Variants in SPIRE1 observed in about 807,000 individuals in gnomAD.
SPIRE1 encodes the protein spire type actin nucleation factor 1.
In SPIRE1, 40 loss-of-function variants were observed where a neutral mutation model predicts 94.1. The ratio of observed to expected loss-of-function variants is 0.43; its 90% CI spans 0.33 to 0.55. The LOEUF (loss-of-function observed/expected upper bound fraction) is 0.55. Ranked by LOEUF, SPIRE1 falls within the 20% of genes least tolerant of loss-of-function variation. The pLI is 0.06. For synonymous variants in SPIRE1, 376 were observed against 371.7 expected (o/e 1.01, Z -0.13); for missense variants, 838 against 975.2 (o/e 0.86, Z 1.87).
chr18:12,578,352 G>A (rs2036166633), intron 2 of SPIRE1, among the ~76,000 whole-genome samples: 1 of 152,158 alleles, frequency 6.6e-6, no homozygotes, highest in Non-Finnish European at 1.5e-5. Context: ...TGACACAATG[G>A]AATAATAGCC....
At chr18:12,470,651 G>C (rs1417465860) in intron 10 of SPIRE1, among the ~76,000 whole-genome samples, 3 of 152,180 alleles carry the variant, frequency 2.0e-5, no homozygotes, top group Non-Finnish European at 4.4e-5. Flanking sequence ...GTGGGTACAT[G>C]CATGTGCATG....
intron 5 of SPIRE1, among the ~76,000 whole-genome samples, chr18:12,508,765 C>A (rs756073479): frequency 1.3e-5 from 2 of 151,578 alleles, no homozygotes; most frequent in Non-Finnish European, 2.9e-5. Context: ...ATTTCTGCCT[C>A]CCGGGTTCAA....
At chr18:12,482,859 G>T (rs144043385) in intron 9 of SPIRE1, among the ~76,000 whole-genome samples, 24 of 151,552 alleles carry the variant, frequency 1.6e-4, no homozygotes, top group African/African-American at 5.6e-4. Flanking sequence ...AACGGGTTAT[G>T]TAACAGCCAG....
intron 2 of SPIRE1, among the ~76,000 whole-genome samples, chr18:12,590,656 C>T (rs1339044946): frequency 8.5e-5 from 13 of 152,126 alleles, no homozygotes; most frequent in Admixed American, 7.9e-4. Flanking sequence ...GCAGCATCAG[C>T]GTTGTGGAGG....
chr18:12,455,370 G>C (rs1252481133), intron 12 of SPIRE1, among the ~76,000 whole-genome samples: 8 of 152,146 alleles, frequency 5.3e-5, no homozygotes, highest in Admixed American at 4.6e-4. Flanking sequence ...GGTACGAGTG[G>C]AACTGGAACA....
At chr18:12,552,525 G>A (rs2035381143) in intron 2 of SPIRE1, among the ~76,000 whole-genome samples, 1 of 152,100 alleles carries the variant, frequency 6.6e-6, no homozygotes, top group Non-Finnish European at 1.5e-5. Context: ...TCCAAAGAGA[G>A]AAGTAAAAAC....
intron 4 of SPIRE1, among the ~76,000 whole-genome samples, chr18:12,514,702 A>G (rs2034144681): frequency 6.6e-6 from 1 of 152,140 alleles, no homozygotes. Flanking sequence ...TCCCCTAGGG[A>G]AGTTGGGGAG....
At chr18:12,541,855 C>CA (rs57869091) in intron 3 of SPIRE1, among the ~76,000 whole-genome samples, 28 of 149,526 alleles carry the variant, frequency 1.9e-4, no homozygotes, top group African/African-American at 3.2e-4. Flanking sequence ...GTAGCCACAT[C>CA]AAAAAAAAAT....
At chr18:12,636,188 CA>C in intron 1 of SPIRE1, 1 of 152,164 alleles carries the variant, frequency 6.6e-6, no homozygotes, top group South Asian at 2.1e-4. Flanking sequence ...CCACCATGCC[CA>C]GTCAGTACTA....
intron 3 of SPIRE1, among the ~76,000 whole-genome samples, chr18:12,544,777 T>C (rs1208877669): frequency 2.0e-5 from 3 of 152,240 alleles, no homozygotes; most frequent in Non-Finnish European, 2.9e-5. Flanking sequence ...TCCAATAATT[T>C]TTTTATAAGT....
intron 6 of SPIRE1, 144 bp downstream of exon 6, chr18:12,506,333 T>G: frequency 2.9e-6 from 2 of 682,000 alleles, no homozygotes; most frequent in Admixed American, 2.6e-5. Flanking sequence ...AATTTTTGTA[T>G]TTTTTGGTAC....
At chr18:12,452,743 T>G in intron 14 of SPIRE1, 1 of 608,850 alleles carries the variant, frequency 1.6e-6, no homozygotes, top group Non-Finnish European at 2.9e-6. Flanking sequence ...TTTGGAATTT[T>G]CTTATTTGTC....
chr18:12,597,987 G>T (rs961147999), intron 2 of SPIRE1, among the ~76,000 whole-genome samples: 1 of 152,202 alleles, frequency 6.6e-6, no homozygotes, highest in Admixed American at 6.5e-5. Flanking sequence ...AGGGACGCAT[G>T]TGCAGAGGCG....
intron 10 of SPIRE1, among the ~76,000 whole-genome samples, chr18:12,476,451 G>GA (rs1245277905): frequency 1.3e-5 from 2 of 148,494 alleles, no homozygotes; most frequent in East Asian, 4.1e-4. Context: ...TGAGACAGGA[G>GA]AATCGCTTGA....
intron 1 of SPIRE1, among the ~76,000 whole-genome samples, chr18:12,652,569 G>A (rs1165741352): frequency 2.0e-5 from 3 of 152,134 alleles, no homozygotes; most frequent in Non-Finnish European, 4.4e-5. Flanking sequence ...CCTCTAAAGA[G>A]CTAGTCTTTC....
intron 1 of SPIRE1, among the ~76,000 whole-genome samples, chr18:12,655,280 T>G (rs1228250701): frequency 6.9e-6 from 1 of 144,868 alleles, no homozygotes; most frequent in Non-Finnish European, 1.5e-5. Flanking sequence ...GAGAAAGAAA[T>G]AAAGCGAAAG....
chr18:12,518,431 G>T (rs1048781255), intron 4 of SPIRE1, among the ~76,000 whole-genome samples: 3 of 151,794 alleles, frequency 2.0e-5, no homozygotes, highest in Admixed American at 6.6e-5. Context: ...TGTTGGAAGT[G>T]CAGTGAGCTG....
intron 2 of SPIRE1, among the ~76,000 whole-genome samples, chr18:12,629,275 A>T (rs1043044982): frequency 3.3e-5 from 5 of 152,222 alleles, no homozygotes; most frequent in Admixed American, 6.5e-5. Flanking sequence ...TAAAAGCCTC[A>T]ATTAAAATAC....
chr18:12,605,929 C>T (rs2036962178), intron 2 of SPIRE1, among the ~76,000 whole-genome samples: 1 of 152,104 alleles, frequency 6.6e-6, no homozygotes, highest in African/African-American at 2.4e-5. Context: ...GCCACACTGG[C>T]CTCCTTCATG....
Sources: allele counts gnomAD v4.1 joint callset (sites outside exome capture counted in the v4.1 genomes callset), GRCh38; gene constraint gnomAD v4.1.1; transcripts MANE v1.5; gene names NCBI Gene and HGNC (gene_info 2026-07-23, HGNC 2026-07-21).